The following PRKCSH variants were observed in gnomAD, a reference collection of about 807,000 sequenced individuals.
The protein encoded by PRKCSH is PRKCSH beta subunit of glucosidase II.
A neutral mutation model predicts 79.7 loss-of-function variants in PRKCSH; 42 were observed. The observed-to-expected ratio is 0.53, with a 90% confidence interval of 0.41 to 0.68. The LOEUF (loss-of-function observed/expected upper bound fraction) is 0.68, where lower values mean the gene tolerates loss of function less well. Ranked by LOEUF, PRKCSH falls within the 30% of genes least tolerant of loss-of-function variation. The pLI, the probability that PRKCSH is intolerant of heterozygous loss-of-function variation, is 0.00. For missense variants in PRKCSH, 686 were observed against 709.0 expected (o/e 0.97, Z 0.37); for synonymous variants, 325 against 288.2 (o/e 1.13, Z -1.29).
In PRKCSH at chr19:11,447,853, G is replaced by T; in HGVS notation, c.1126+64G>T. ...AGCGTTTCCTGCCGTGGTGGCACAG[G>T]TCGAGGGAAGATCCTGAGCTTAGAC... On this transcript the variant is annotated intron_variant, in intron 12 of 17. Transcript: ENST00000677123. The surrounding 1 kb of genome is among the most constrained non-coding windows in gnomAD (Gnocchi z 5.6). 1 of 1,473,600 alleles carries T rather than the reference G, an allele frequency of 6.8e-7. No individual in the cohort carries two copies. The highest frequency in any genetic ancestry group is 9.1e-7 in the Non-Finnish European group (1 of 1,096,496). The allele number at this position is 1,473,600 out of a possible 1,614,324, so 91.3% of individuals were successfully genotyped here.
rs1236824881 is a variant in PRKCSH at position 11,447,326 on chromosome 19, A to G, written c.850-113A>G. ...GACCCCAGCTGTCGGTCCTCCCTGC[A>G]GGCCCCGCAGGAGGGGCAGAGACAC... On this transcript the variant is annotated intron_variant, in intron 10 of 17. Transcript: ENST00000677123. This position sits in a 1 kb window ranked among gnomAD's most constrained non-coding sequence, Gnocchi z 5.6. 4 of 1,320,558 alleles carry G rather than the reference A, an allele frequency of 3.0e-6. No homozygotes were observed. The highest frequency in any genetic ancestry group is 4.0e-5 in the Admixed American group (2 of 50,454). 81.8% of individuals were successfully genotyped at this position (1,320,558 alleles called of 1,614,324 possible).
chr19:11,436,806 G>A (rs1457893437), intron 3 of PRKCSH: 4 of 408,984 alleles, frequency 9.8e-6, no homozygotes, highest in Non-Finnish European at 1.9e-5. Flanking sequence ...GACAGGGTGG[G>A]GCCAAGAGCA....
intron 8 of PRKCSH, 36 bp downstream of exon 8, chr19:11,445,509 G>A (rs201333844): frequency 3.4e-5 from 55 of 1,601,938 alleles, no homozygotes; most frequent in East Asian, 1.6e-4. Context: ...CCACCTTTCC[G>A]TGGGCCTGGG....
At chr19:11,443,600 C>T (rs1970164234) in intron 7 of PRKCSH, among the ~76,000 whole-genome samples, 1 of 150,858 alleles carries the variant, frequency 6.6e-6, no homozygotes, top group African/African-American at 2.4e-5. Context: ...GTCCCAGCTA[C>T]TTGGGAGGCT....
chr19:11,439,387 A>G (rs1969940729), intron 5 of PRKCSH, among the ~76,000 whole-genome samples: 1 of 151,856 alleles, frequency 6.6e-6, no homozygotes. Context: ...CCTGGGCAAA[A>G]TAGCGATACC....
At position 11,436,399 on chromosome 19, in the gene PRKCSH, C is replaced by A. The variant is rs748621318; in HGVS notation, c.90C>A (p.Phe30Leu). 2 of 1,614,182 alleles carry A rather than the reference C, an allele frequency of 1.2e-6. No homozygotes were observed. Among genetic ancestry groups the A allele is most frequent in the Admixed American group, 1.7e-5 (1 of 60,018 alleles). Residue 30 changes from phenylalanine to leucine, a missense_variant, in exon 3 of 18, where the codon TTC becomes TTA. Phe to Leu is a conservative substitution (Grantham distance 22, BLOSUM62 0). Around this residue, in one of 2 missense-constraint regions of PRKCSH, gnomAD observed 549 missense variants for 520.2 expected, o/e 1.06. Transcript: ENST00000677123. ...PRGVSLTNHHFYDESKPFTCL... is the reference protein window; with the variant it reads ...PRGVSLTNHHLYDESKPFTCL... ...TCCTGTACCCCGCAGATCATCACTT[C>A]TACGATGAGTCCAAGCCTTTCACCT...
chr19:11,443,206 A>C (rs1006464030), intron 7 of PRKCSH, among the ~76,000 whole-genome samples: 1 of 151,732 alleles, frequency 6.6e-6, no homozygotes, highest in East Asian at 2.0e-4. Context: ...TGAGGTCAGG[A>C]GTTCGAGACC....
Position 11,447,515 on chromosome 19 carries a change from C to T in PRKCSH, c.926C>T (p.Ser309Leu), listed in dbSNP as rs781635359. Residue 309 changes from serine to leucine, a missense_variant, in exon 11 of 18, where the codon TCG becomes TTG. By Grantham distance (145) the Ser-to-Leu change is moderately radical (BLOSUM62 -2). Transcript: ENST00000677123. The surrounding 1 kb of genome is among the most constrained non-coding windows in gnomAD (Gnocchi z 5.6). ...EPKEEQPPVP[S>L]SPTEEEEEEE... ...AAGGAGGAGCAGCCGCCAGTGCCCT[C>T]GTCGCCCACAGAGGAGGAGGAGGAG... 8.7e-6 allele frequency: 14 copies of T among 1,611,516 alleles called. No homozygotes were observed. The highest frequency in any genetic ancestry group is 2.2e-5 in the East Asian group (1 of 44,824).
rs1325952640 is a variant in PRKCSH at position 11,447,548 on chromosome 19, A to G, written c.959A>G (p.Glu320Gly). 1.2e-6 allele frequency: 2 copies of G among 1,605,168 alleles called. No homozygotes were observed. The highest frequency in any genetic ancestry group is 1.1e-5 in the South Asian group (1 of 89,852). ...SPTEEEEEEE[E>G]EEEEEAEEEE... ...ACAGAGGAGGAGGAGGAGGAGGAGG[A>G]GGAGGAGGAAGAAGAGGCTGAAGAA... Residue 320 changes from glutamate (E) to glycine (G), a missense_variant, in exon 11 of 18, where the codon GAG (glutamate) becomes GGG (glycine). Physicochemically the swap from Glu to Gly is moderately conservative, Grantham distance 98. This residue lies in a region of PRKCSH where 549 missense variants were observed against 520.2 expected (regional missense o/e 1.06). Transcript: ENST00000677123. This position sits in a 1 kb window ranked among gnomAD's most constrained non-coding sequence, Gnocchi z 5.6.
chr19:11,436,559 C>T, intron 3 of PRKCSH, 54 bp downstream of exon 3: 1 of 1,384,694 alleles, frequency 7.2e-7, no homozygotes, highest in Non-Finnish European at 1.0e-6. Flanking sequence ...TGCTCAGTGC[C>T]AGGCCCTGTC....
chr19:11,436,371 G>A lies in PRKCSH; in HGVS notation c.80-18G>A, dbSNP rs890272106. ...AAGGCGCTTACCTGCCCTGGGCTGA[G>A]CTTCCTGTACCCCGCAGATCATCAC... is the stretch of plus-strand genomic sequence containing the variant. On this transcript the variant is annotated intron_variant, in intron 2 of 17. Coordinates refer to ENST00000677123, the MANE Select transcript of PRKCSH (RefSeq NM_001289104.2). The A allele has an allele frequency of 6.2e-7, 1 of 1,612,612 alleles. No homozygotes were observed.
rs1031067243 is a variant in PRKCSH at position 11,447,934 on chromosome 19, G to A, written c.1126+145G>A. The A allele has an allele frequency of 7.6e-6, 8 of 1,054,342 alleles. No individual in the cohort carries two copies. Among genetic ancestry groups the A allele is most frequent in the Non-Finnish European group, 1.1e-5 (8 of 744,190 alleles). The allele number at this position is 1,054,342 out of a possible 1,614,324, so 65.3% of individuals were successfully genotyped here. ...GTATCTTGGGGAGTCCAGGAAGGGG[G>A]CCTAGGGTAAGCCAGTCCCACCCTC... On this transcript the variant is annotated intron_variant, in intron 12 of 17. Coordinates refer to ENST00000677123, the MANE Select transcript of PRKCSH (RefSeq NM_001289104.2). The surrounding 1 kb of genome is among the most constrained non-coding windows in gnomAD (Gnocchi z 5.6).
In PRKCSH at chr19:11,447,511, C is replaced by T; in HGVS notation, c.922C>T (p.Pro308Ser). The T allele has an allele frequency of 1.9e-6, 3 of 1,612,694 alleles. No individual in the cohort carries two copies. Among genetic ancestry groups the T allele is most frequent in the Non-Finnish European group, 1.7e-6 (2 of 1,179,664 alleles). ...TEPKEEQPPV[P>S]SSPTEEEEEE... ...GCCCAAGGAGGAGCAGCCGCCAGTGCCCTCGTCGCCCACAGAGGAGGAGGA... is the reference window on the plus strand; with the variant it reads ...GCCCAAGGAGGAGCAGCCGCCAGTGTCCTCGTCGCCCACAGAGGAGGAGGA... Residue 308 changes from proline (P) to serine (S), a missense_variant, in exon 11 of 18, where the codon CCC (proline) becomes TCC (serine). Transcript: ENST00000677123. The surrounding 1 kb of genome is among the most constrained non-coding windows in gnomAD (Gnocchi z 5.6).
chr19:11,441,176 A>C, intron 5 of PRKCSH, 64 bp from the exon 6 acceptor site: 2 of 1,539,898 alleles, frequency 1.3e-6, no homozygotes, highest in Non-Finnish European at 1.8e-6. Flanking sequence ...GCTATTTTGG[A>C]AGAGGCAGAC....
intron 7 of PRKCSH, among the ~76,000 whole-genome samples, chr19:11,443,990 G>A (rs1414270665): frequency 1.3e-5 from 2 of 152,154 alleles, no homozygotes; most frequent in Admixed American, 1.3e-4. Context: ...TGGCCAGGCT[G>A]GTCTTGAACT....
At chr19:11,439,605 C>CTTTTCTTTTT (rs1969955325) in intron 5 of PRKCSH, among the ~76,000 whole-genome samples, 1 of 68,832 alleles carries the variant, frequency 1.5e-5, no homozygotes, top group Non-Finnish European at 2.8e-5. Context: ...TTTTTCTTTT[C>CTTTTCTTTTT]TTTTTTTTTT....
intron 5 of PRKCSH, 92 bp from the exon 6 acceptor site, chr19:11,441,148 G>T: frequency 1.6e-6 from 2 of 1,258,400 alleles, no homozygotes; most frequent in Non-Finnish European, 2.3e-6. Flanking sequence ...GCTTGGTGGG[G>T]GGCCACAGCT....
intron 6 of PRKCSH, 54 bp from the exon 7 acceptor site, chr19:11,442,332 A>G (rs940426835): frequency 1.2e-5 from 19 of 1,544,502 alleles, no homozygotes; most frequent in Middle Eastern, 2.2e-4. Context: ...GTAGTAGTCA[A>G]TGAGGAGGAG....
chr19:11,442,623 C>G (rs1970114915), intron 7 of PRKCSH, 108 bp downstream of exon 7: 3 of 1,496,958 alleles, frequency 2.0e-6, no homozygotes, highest in Non-Finnish European at 2.7e-6. Context: ...GGTTTTTGAT[C>G]ATGCTGCCCA....
Sources: gnomAD v4.1 joint callset for allele counts (sites outside exome capture counted in the v4.1 genomes callset) on GRCh38, gnomAD v4.1.1 for gene constraint, gnomAD v4.1.1 regional missense constraint, Gnocchi (gnomAD v3.1) non-coding constraint, MANE v1.5 for transcripts, NCBI Gene and HGNC (gene_info 2026-07-23, HGNC 2026-07-21) for gene names.